The following PEAK1 variants were observed in gnomAD, a reference collection of about 807,000 sequenced individuals.
The protein encoded by PEAK1 is inactive tyrosine-protein kinase PEAK1.
A neutral mutation model predicts 124.7 loss-of-function variants in PEAK1; 54 were observed. The ratio of observed to expected loss-of-function variants is 0.43; its 90% CI spans 0.35 to 0.54. The LOEUF is 0.54. Ranked by LOEUF, PEAK1 falls within the 20% of genes least tolerant of loss-of-function variation. The pLI is 0.01. For missense variants in PEAK1, 2,046 were observed against 2,134.5 expected (o/e 0.96, Z 0.82); for synonymous variants, 719 against 760.0 (o/e 0.95, Z 0.89).
At chr15:77,313,648 A>ATGTGTGTGTGTGTGTGTGTGTGTG (rs1220086755) in intron 2 of PEAK1, among the ~76,000 whole-genome samples, 3 of 87,606 alleles carry the variant, frequency 3.4e-5, no homozygotes, top group Non-Finnish European at 7.2e-5. Context: ...GTATGTATGT[A>ATGTGTGTGTGTGTGTGTGTGTGTG]TGTATGTGTG....
At chr15:77,333,194 A>G (rs1345816288) in intron 2 of PEAK1, 1 of 926,518 alleles carries the variant, frequency 1.1e-6, no homozygotes, top group African/African-American at 1.8e-5. Context: ...TTTATTGCTC[A>G]GGCTGGTCTT....
At chr15:77,288,040 C>T (rs1376822433) in intron 2 of PEAK1, among the ~76,000 whole-genome samples, 1 of 152,094 alleles carries the variant, frequency 6.6e-6, no homozygotes, top group African/African-American at 2.4e-5. Flanking sequence ...TTTTATCCTA[C>T]CTCAAATTTA....
intron 8 of PEAK1, among the ~76,000 whole-genome samples, chr15:77,139,282 C>G (rs1440795244): frequency 6.6e-6 from 1 of 152,162 alleles, no homozygotes; most frequent in Non-Finnish European, 1.5e-5. Context: ...TCTGGTATAC[C>G]TCCTGAAGGA....
At chr15:77,350,294 T>C (rs1409885044) in intron 2 of PEAK1, 1 of 985,234 alleles carries the variant, frequency 1.0e-6, no homozygotes, top group Non-Finnish European at 1.2e-6. Context: ...AATCAATATA[T>C]AATTTGGGTG....
chr15:77,300,441 T>C (rs190272943), intron 2 of PEAK1, among the ~76,000 whole-genome samples: 15 of 152,336 alleles, frequency 9.8e-5, no homozygotes, highest in African/African-American at 2.6e-4. Context: ...AAGGTATCTA[T>C]TCCTTTTCTT....
At chr15:77,375,035 A>G (rs2068904968) in intron 1 of PEAK1, among the ~76,000 whole-genome samples, 1 of 152,228 alleles carries the variant, frequency 6.6e-6, no homozygotes, top group Non-Finnish European at 1.5e-5. Context: ...AAAAGCTTTT[A>G]AAGTCCCACT....
intron 6 of PEAK1, among the ~76,000 whole-genome samples, chr15:77,234,785 A>T (rs895499357): frequency 6.6e-6 from 1 of 151,946 alleles, no homozygotes; most frequent in Non-Finnish European, 1.5e-5. Context: ...ACAGGTATGG[A>T]CCACCATGTC....
At chr15:77,396,322 A>C (rs550761150) in intron 1 of PEAK1, among the ~76,000 whole-genome samples, 13 of 152,100 alleles carry the variant, frequency 8.5e-5, no homozygotes, top group Non-Finnish European at 1.6e-4. Flanking sequence ...AATCACCTTC[A>C]CTAAAAGGAA....
chr15:77,372,211 G>A (rs1384115683), intron 1 of PEAK1, among the ~76,000 whole-genome samples: 1 of 152,138 alleles, frequency 6.6e-6, no homozygotes. Context: ...ATATTTAGTA[G>A]GCTCTGAATT....
At chr15:77,236,421 G>C (rs947808503) in intron 6 of PEAK1, among the ~76,000 whole-genome samples, 49 of 152,332 alleles carry the variant, frequency 3.2e-4, no homozygotes, top group Middle Eastern at 6.8e-3. Context: ...TTTCCGACTT[G>C]CATGAGGCCT....
At chr15:77,368,287 G>A (rs949843515) in intron 1 of PEAK1, among the ~76,000 whole-genome samples, 3 of 152,064 alleles carry the variant, frequency 2.0e-5, no homozygotes, top group South Asian at 4.1e-4. Flanking sequence ...AGGCCAAGGC[G>A]GGCGGATCAC....
At chr15:77,219,081 G>A (rs960203319) in intron 6 of PEAK1, among the ~76,000 whole-genome samples, 16 of 151,968 alleles carry the variant, frequency 1.1e-4, no homozygotes, top group Non-Finnish European at 1.9e-4. Flanking sequence ...TTAGACAGAA[G>A]GATAACATAA....
chr15:77,406,587 G>A (rs368898115), intron 1 of PEAK1, among the ~76,000 whole-genome samples: 13 of 152,174 alleles, frequency 8.5e-5, no homozygotes, highest in African/African-American at 3.1e-4. Context: ...GGAGGTGAAA[G>A]TCCTCTACAA....
At chr15:77,376,399 G>C (rs979060120) in intron 1 of PEAK1, among the ~76,000 whole-genome samples, 1 of 151,928 alleles carries the variant, frequency 6.6e-6, no homozygotes, top group Non-Finnish European at 1.5e-5. Flanking sequence ...GGGTGGGGGG[G>C]AAGTACCTGC....
At chr15:77,131,212 C>T (rs2052828177) in intron 9 of PEAK1, among the ~76,000 whole-genome samples, 2 of 152,198 alleles carry the variant, frequency 1.3e-5, no homozygotes, top group South Asian at 4.1e-4. Context: ...AAACTCAGCT[C>T]TGGCCAGGCA....
At chr15:77,253,947 T>A (rs1162656824) in intron 5 of PEAK1, among the ~76,000 whole-genome samples, 1 of 152,126 alleles carries the variant, frequency 6.6e-6, no homozygotes, top group Non-Finnish European at 1.5e-5. Context: ...GCCTCCTGAG[T>A]AGCTGCGATT....
chr15:77,197,824 C>A (rs891807398), intron 6 of PEAK1, among the ~76,000 whole-genome samples: 2 of 151,924 alleles, frequency 1.3e-5, no homozygotes, highest in Admixed American at 6.6e-5. Context: ...GTTTGAACTG[C>A]GCAGTTCAAC....
intron 7 of PEAK1, among the ~76,000 whole-genome samples, chr15:77,167,981 T>C (rs558021296): frequency 1.3e-5 from 2 of 152,022 alleles, no homozygotes; most frequent in African/African-American, 4.8e-5. Context: ...AGTGAGAACA[T>C]GCGGTGTTTG....
At chr15:77,157,501 G>T (rs749172030) in intron 8 of PEAK1, 2 of 152,270 alleles carry the variant, frequency 1.3e-5, no homozygotes, top group Non-Finnish European at 2.9e-5. Flanking sequence ...GATGATCAGA[G>T]AATTGCAGAA....
Sources: gnomAD v4.1 joint callset for allele counts (sites outside exome capture counted in the v4.1 genomes callset) on GRCh38, gnomAD v4.1.1 for gene constraint, MANE v1.5 for transcripts, NCBI Gene and HGNC (gene_info 2026-07-23, HGNC 2026-07-21) for gene names.